Variants in SEMA5B observed in about 807,000 individuals in gnomAD.
SEMA5B encodes semaphorin 5B, also known as semaphorin-5B.
A neutral mutation model predicts 135.0 loss-of-function variants in SEMA5B; 66 were observed. The ratio of observed to expected loss-of-function variants is 0.49; its 90% CI spans 0.40 to 0.60. The LOEUF is 0.60. SEMA5B is among the 20% of genes least tolerant of loss of function. The pLI is 0.00. For missense variants in SEMA5B, 1,501 were observed against 1,566.3 expected, an observed-to-expected ratio of 0.96 and a Z score of 0.70; for synonymous variants, 690 against 639.5, an observed-to-expected ratio of 1.08 and a Z score of -1.19.
chr3:122,963,968 C>T (rs1327982543), intron 1 of SEMA5B, among the ~76,000 whole-genome samples: 1 of 152,176 alleles, frequency 6.6e-6, no homozygotes, highest in East Asian at 1.9e-4. Flanking sequence ...CCCTCCCTCT[C>T]TCCCCAGGGC....
intron 3 of SEMA5B, among the ~76,000 whole-genome samples, chr3:122,944,748 GC>G (rs1939709957): frequency 6.6e-6 from 1 of 152,132 alleles, no homozygotes; most frequent in Non-Finnish European, 1.5e-5. Context: ...CAGCTGACTC[GC>G]CCGGTTTCCC....
Position 122,911,082 on chromosome 3 carries a change from C to G in SEMA5B, c.3092-37G>C, listed in dbSNP as rs760115422. The G allele has an allele frequency of 4.4e-5, 68 of 1,541,630 alleles. No homozygotes were observed. In the Middle Eastern group the frequency reaches 5.9e-4, roughly 13 times the overall value. ...GAGGCAGGTAGTAAGATGAGGGCCA[C>G]TGTGAAGAGGACAGACTCCTGCCTG... On this transcript the variant is annotated intron_variant, in intron 21 of 22. Transcript: ENST00000357599.
intron 1 of SEMA5B, among the ~76,000 whole-genome samples, chr3:123,026,253 G>A (rs1273958350): frequency 6.6e-6 from 1 of 152,312 alleles, no homozygotes; most frequent in South Asian, 2.1e-4. Flanking sequence ...TCCGTTGGCC[G>A]GGAAGGAGTG....
chr3:122,913,302 G>C lies in SEMA5B; in HGVS notation c.2403C>G (p.Thr801=), dbSNP rs1937861294. 6 of 1,578,266 alleles carry C rather than the reference G, an allele frequency of 3.8e-6. No individual in the cohort carries two copies. Among genetic ancestry groups the C allele is most frequent in the Non-Finnish European group, 5.1e-6 (6 of 1,170,890 alleles). Residue 801 remains threonine (T), a synonymous_variant, in exon 17 of 23, where the codon ACC becomes ACG. Coordinates refer to ENST00000357599, the MANE Select transcript of SEMA5B (RefSeq NM_001031702.4). ...GCGGGTCTGCAAGGGGCGCGCGGCAGGTGAAGCGGAACCGCTGCTCCTGCC... is the reference window on the plus strand; with the variant it reads ...GCGGGTCTGCAAGGGGCGCGCGGCACGTGAAGCGGAACCGCTGCTCCTGCC... ...GARQEQRFRF[T]CRAPLADPHG...
chr3:122,928,781 C>A (rs1485251549), intron 6 of SEMA5B, among the ~76,000 whole-genome samples, 166 bp from the exon 7 acceptor site: 1 of 152,246 alleles, frequency 6.6e-6, no homozygotes, highest in Non-Finnish European at 1.5e-5. Flanking sequence ...GACGTCCCCT[C>A]CCACCAAGGT....
At chr3:122,975,657 C>T (rs1467413637) in intron 1 of SEMA5B, among the ~76,000 whole-genome samples, 1 of 152,204 alleles carries the variant, frequency 6.6e-6, no homozygotes, top group Non-Finnish European at 1.5e-5. Flanking sequence ...ATTTTATCAT[C>T]ATTATTAGTG....
At chr3:122,992,425 C>G (rs1230415598) in intron 1 of SEMA5B, among the ~76,000 whole-genome samples, 1 of 152,198 alleles carries the variant, frequency 6.6e-6, no homozygotes, top group Non-Finnish European at 1.5e-5. Flanking sequence ...GGTTATGCAG[C>G]AAGAGTACAA....
rs757940833 is a variant in SEMA5B at position 122,910,160 on chromosome 3, A to G, written c.3439T>C (p.Cys1147Arg). 1.9e-6 allele frequency: 3 copies of G among 1,614,128 alleles called. No homozygotes were observed. In the South Asian group the frequency reaches 3.3e-5, roughly 18 times the overall value. The change falls in exon 23 of 23, where the codon TGC (cysteine) becomes CGC (arginine). Residue 1147 changes from cysteine to arginine, a missense_variant. Transcript: ENST00000357599. ...CGGCGGTATCAGCTGTTGGGGAAGC[A>G]CCGTTGTCCAGGTGAGGCCTCGGGC... ...FRPEASPGQR[C>R]FPNS
intron 4 of SEMA5B, 139 bp downstream of exon 4, chr3:122,943,297 A>T: frequency 1.7e-6 from 1 of 600,048 alleles, no homozygotes; most frequent in South Asian, 2.2e-5. Flanking sequence ...GGGGACAGAC[A>T]TCCACAAGGA....
At chr3:122,926,805 G>A in intron 8 of SEMA5B, 128 bp from the exon 9 acceptor site, 1 of 1,053,762 alleles carries the variant, frequency 9.5e-7, no homozygotes, top group Non-Finnish European at 1.4e-6. Flanking sequence ...TGCAATCTTG[G>A]TGACCTGGGG....
In SEMA5B at chr3:122,911,005, G is replaced by A. The variant is rs1937663380; in HGVS notation, c.3132C>T (p.Cys1044=). The A allele has an allele frequency of 3.1e-6, 5 of 1,613,746 alleles. No homozygotes were observed. Among genetic ancestry groups the A allele is most frequent in the Non-Finnish European group, 2.5e-6 (3 of 1,179,886 alleles). ...LIHLVATGIS[C]FLGSGLLTLA... is the part of the protein sequence containing the mutation. ...GGGTCAGGAGCCCAGAGCCCAAGAA[G>A]CAGGAGATGCCCGTGGCCACCAAGT... Residue 1044 remains cysteine, a synonymous_variant, in exon 22 of 23, where the codon TGC becomes TGT. Coordinates refer to ENST00000357599, the MANE Select transcript of SEMA5B (RefSeq NM_001031702.4).
At chr3:122,943,192 C>T (rs937689778) in intron 4 of SEMA5B, among the ~76,000 whole-genome samples, 24 of 152,152 alleles carry the variant, frequency 1.6e-4, no homozygotes, top group Admixed American at 1.6e-3. Context: ...CCTGCTCTCA[C>T]TAACTGCCAA....
intron 1 of SEMA5B, among the ~76,000 whole-genome samples, chr3:123,011,486 G>A (rs1013777591): frequency 6.6e-6 from 1 of 152,198 alleles, no homozygotes. Context: ...GATGGAATCT[G>A]GGGTTTTGCC....
chr3:122,979,076 C>A (rs1941435490), intron 1 of SEMA5B, among the ~76,000 whole-genome samples: 1 of 152,140 alleles, frequency 6.6e-6, no homozygotes, highest in African/African-American at 2.4e-5. Context: ...AGGGACAAAG[C>A]ACTGGGGCTC....
At position 122,948,686 on chromosome 3, in the gene SEMA5B, C is replaced by A. The variant is rs372437206; in HGVS notation, c.148G>T (p.Gly50Ter). Residue 50 changes from glycine to a stop codon, truncating the protein, a stop_gained, in exon 3 of 23, where the codon GGA becomes TGA. Coordinates refer to ENST00000357599, the MANE Select transcript of SEMA5B (RefSeq NM_001031702.4). LOFTEE classifies it high-confidence loss of function. ...VRGLLPCLPP[G>*]ARTAEGPIMV... Reference sequence around the variant, plus strand: ...ATAGGCCCCTCTGCAGTCCTAGCTCCGGGAGGCAGACAGGGGAGAAGACCT... The same window carrying A: ...ATAGGCCCCTCTGCAGTCCTAGCTCAGGGAGGCAGACAGGGGAGAAGACCT... 4.4e-5 allele frequency: 71 copies of A among 1,606,022 alleles called. No homozygotes were observed. In the Middle Eastern group the frequency reaches 8.3e-4, roughly 19 times the overall value.
intron 1 of SEMA5B, among the ~76,000 whole-genome samples, chr3:122,972,034 G>A (rs774698521): frequency 2.0e-5 from 3 of 152,208 alleles, no homozygotes; most frequent in African/African-American, 7.2e-5. Context: ...ACATGGATCC[G>A]CTGATCGATC....
chr3:122,926,818 CCTAA>C (rs1450037562), intron 8 of SEMA5B, 141 bp from the exon 9 acceptor site: 5 of 883,090 alleles, frequency 5.7e-6, no homozygotes, highest in Admixed American at 2.5e-5. Flanking sequence ...ACCTGGGGGC[CCTAA>C]CTAACTCTCT....
chr3:123,018,044 G>A, intron 1 of SEMA5B, among the ~76,000 whole-genome samples: 1 of 152,160 alleles, frequency 6.6e-6, no homozygotes, highest in East Asian at 1.9e-4. Context: ...TGGCACTAAT[G>A]CCACGAGTCA....
rs533121624 is a variant in SEMA5B at position 122,926,250 on chromosome 3, G to A, written c.1136+142C>T. Reference sequence around the variant, plus strand: ...CCCAGAACACGAGCTTACCGCTCCAGAAGCAGTAAGTCACAAAATCCTCAG... The same window carrying A: ...CCCAGAACACGAGCTTACCGCTCCAAAAGCAGTAAGTCACAAAATCCTCAG... On this transcript the variant is annotated intron_variant, in intron 9 of 22. Coordinates refer to ENST00000357599, the MANE Select transcript of SEMA5B (RefSeq NM_001031702.4). 15 of 793,602 alleles carry A rather than the reference G, an allele frequency of 1.9e-5. No individual in the cohort carries two copies. In the Admixed American group the frequency reaches 3.1e-4, roughly 16 times the overall value. 49.2% of individuals were successfully genotyped at this position (793,602 alleles called of 1,614,324 possible).
Sources: allele counts gnomAD v4.1 joint callset (sites outside exome capture counted in the v4.1 genomes callset), GRCh38; gene constraint gnomAD v4.1.1; transcripts MANE v1.5; gene names NCBI Gene and HGNC (gene_info 2026-07-23, HGNC 2026-07-21).